The following CSMD1 variants were observed in gnomAD, a reference collection of about 807,000 sequenced individuals.
CSMD1 encodes the protein CUB and Sushi multiple domains 1.
Under a neutral mutation model 417.5 loss-of-function variants are expected in CSMD1, and 213 were observed. The observed-to-expected ratio is 0.51, with a 90% CI of 0.46 to 0.57. The LOEUF (loss-of-function observed/expected upper bound fraction) is 0.57, where lower values mean the gene tolerates loss of function less well. Ranked by LOEUF, CSMD1 falls within the 20% of genes least tolerant of loss-of-function variation. CSMD1 has a pLI of 0.00. For synonymous variants in CSMD1, 2,862 were observed against 1,736.8 expected, an observed-to-expected ratio of 1.65 and a Z score of -16.11; for missense variants, 6,923 against 4,529.7, an observed-to-expected ratio of 1.53 and a Z score of -15.17.
chr8:3,300,077 G>A (rs1316667807), intron 25 of CSMD1, among the ~76,000 whole-genome samples: 1 of 152,132 alleles, frequency 6.6e-6, no homozygotes, highest in African/African-American at 2.4e-5. Context: ...TTCCAAAAGG[G>A]TGTAGTTTAA....
intron 3 of CSMD1, among the ~76,000 whole-genome samples, chr8:4,377,239 T>C (rs1397460755): frequency 6.6e-6 from 1 of 152,074 alleles, no homozygotes; most frequent in African/African-American, 2.4e-5. Context: ...TTAACCGAGA[T>C]TAGTAATTAA....
At chr8:4,610,310 A>C (rs2130788514) in intron 2 of CSMD1, among the ~76,000 whole-genome samples, 1 of 152,346 alleles carries the variant, frequency 6.6e-6, no homozygotes, top group East Asian at 1.9e-4. Context: ...ATATCCCTCT[A>C]GTATTAAATT....
At position 4,455,519 on chromosome 8, in the gene CSMD1, G is replaced by T. The variant is rs532057222; in HGVS notation, c.303-35454C>A. Among the ~76,000 whole-genome samples, 16 of 152,236 alleles carry T rather than the reference G, an allele frequency of 1.1e-4. No individual in the cohort carries two copies. In the East Asian group the frequency reaches 2.9e-3, roughly 28 times the overall value. Reference sequence around the variant, plus strand: ...TGGTTTCCATTTGTCTCTGCAGCTGGACCAGAAACACATCATGGGCCTCAC... The same window carrying T: ...TGGTTTCCATTTGTCTCTGCAGCTGTACCAGAAACACATCATGGGCCTCAC... On this transcript the variant is annotated intron_variant, in intron 2 of 69. Coordinates refer to ENST00000635120, the MANE Select transcript of CSMD1 (RefSeq NM_033225.6).
intron 9 of CSMD1, among the ~76,000 whole-genome samples, chr8:3,584,139 T>C (rs949487243): frequency 1.3e-5 from 2 of 152,194 alleles, no homozygotes; most frequent in Non-Finnish European, 2.9e-5. Flanking sequence ...AGTAATAAAC[T>C]TAATAAGAAC....
chr8:3,576,694 G>T (rs1265853988), intron 9 of CSMD1, among the ~76,000 whole-genome samples: 2 of 152,288 alleles, frequency 1.3e-5, no homozygotes, highest in East Asian at 3.9e-4. Context: ...CTGGACAAAG[G>T]ACTGGATGAA....
chr8:3,643,687 T>C (rs1202357549), intron 7 of CSMD1, among the ~76,000 whole-genome samples: 36 of 113,352 alleles, frequency 3.2e-4, no homozygotes, highest in African/African-American at 1.3e-3. Context: ...GGCGACAGCG[T>C]GAGACTCCGT....
At chr8:3,760,615 G>A (rs187169500) in intron 5 of CSMD1, among the ~76,000 whole-genome samples, 31 of 152,228 alleles carry the variant, frequency 2.0e-4, no homozygotes, top group Admixed American at 7.9e-4. Context: ...CATGCATTTC[G>A]CGTATGTGAC....
At chr8:4,310,282 T>G (rs1563431601) in intron 3 of CSMD1, among the ~76,000 whole-genome samples, 1 of 152,172 alleles carries the variant, frequency 6.6e-6, no homozygotes, top group Non-Finnish European at 1.5e-5. Flanking sequence ...TCATGGCTGC[T>G]TAGAGCTGAA....
intron 3 of CSMD1, among the ~76,000 whole-genome samples, chr8:4,192,242 T>A (rs1035920209): frequency 2.0e-5 from 3 of 152,158 alleles, no homozygotes; most frequent in Non-Finnish European, 4.4e-5. Context: ...AAAATATAGT[T>A]CGTTAGGATT....
At chr8:3,150,355 G>A (rs1299752684) in intron 40 of CSMD1, among the ~76,000 whole-genome samples, 1 of 152,076 alleles carries the variant, frequency 6.6e-6, no homozygotes, top group Non-Finnish European at 1.5e-5. Flanking sequence ...CTTTTCTTGT[G>A]GAACAGTCAT....
chr8:4,776,677 C>A (rs920793638), intron 1 of CSMD1, among the ~76,000 whole-genome samples: 1 of 152,122 alleles, frequency 6.6e-6, no homozygotes, highest in Non-Finnish European at 1.5e-5. Context: ...GATTCTTTAC[C>A]ACAGGGAGAC....
At chr8:3,820,662 G>A (rs1459891403) in intron 5 of CSMD1, among the ~76,000 whole-genome samples, 1 of 152,190 alleles carries the variant, frequency 6.6e-6, no homozygotes. Context: ...TGCAAACTCT[G>A]CCTCCCAGGT....
At chr8:3,415,561 G>A (rs1004023381) in intron 12 of CSMD1, among the ~76,000 whole-genome samples, 1 of 152,188 alleles carries the variant, frequency 6.6e-6, no homozygotes, top group Non-Finnish European at 1.5e-5. Context: ...GTTTCACCAT[G>A]TTGGCCACGC....
intron 3 of CSMD1, among the ~76,000 whole-genome samples, chr8:4,176,630 C>T (rs547174232): frequency 2.8e-3 from 413 of 149,366 alleles, no homozygotes; most frequent in African/African-American, 9.5e-3. Flanking sequence ...AAGACACAGA[C>T]TGGCAAATTG....
chr8:3,782,800 G>T (rs908034903), intron 5 of CSMD1, among the ~76,000 whole-genome samples: 1 of 152,148 alleles, frequency 6.6e-6, no homozygotes, highest in African/African-American at 2.4e-5. Flanking sequence ...GATAACAAAT[G>T]ATTTTATAAG....
At chr8:3,828,228 T>G (rs1031163986) in intron 5 of CSMD1, among the ~76,000 whole-genome samples, 2 of 152,156 alleles carry the variant, frequency 1.3e-5, no homozygotes, top group Non-Finnish European at 2.9e-5. Flanking sequence ...GACACTCTTA[T>G]TATCATGAAA....
chr8:3,499,078 T>C (rs928391246), intron 10 of CSMD1, among the ~76,000 whole-genome samples: 1 of 152,228 alleles, frequency 6.6e-6, no homozygotes, highest in East Asian at 1.9e-4. Flanking sequence ...ATTTCTTGTG[T>C]TCCTACATTA....
At chr8:3,738,669 T>C (rs534509431) in intron 6 of CSMD1, among the ~76,000 whole-genome samples, 1 of 152,148 alleles carries the variant, frequency 6.6e-6, no homozygotes, top group Admixed American at 6.5e-5. Context: ...AGATAACAGA[T>C]AAGTCTTTCT....
chr8:4,461,490 A>T (rs1270976570), intron 2 of CSMD1, among the ~76,000 whole-genome samples: 3 of 149,190 alleles, frequency 2.0e-5, no homozygotes. Flanking sequence ...GAATTTAAGA[A>T]CATCTCCAGC....
Sources: allele counts gnomAD v4.1 joint callset (sites outside exome capture counted in the v4.1 genomes callset), GRCh38; gene constraint gnomAD v4.1.1; transcripts MANE v1.5; gene names NCBI Gene and HGNC (gene_info 2026-07-23, HGNC 2026-07-21).